Variants in ADCY9 observed in about 807,000 individuals in gnomAD.
ADCY9 encodes the protein adenylate cyclase 9.
ADCY9 carries 50 observed loss-of-function variants against 101.5 expected under a neutral mutation model. The observed-to-expected ratio is 0.49, with a 90% confidence interval of 0.39 to 0.62. The LOEUF is 0.62. Ranked by LOEUF, ADCY9 falls within the 20% of genes least tolerant of loss-of-function variation. The pLI is 0.00. For missense variants in ADCY9, 1,662 were observed against 1,800.4 expected (o/e 0.92, Z 1.39); for synonymous variants, 905 against 769.3 (o/e 1.18, Z -2.92).
intron 2 of ADCY9, among the ~76,000 whole-genome samples, chr16:4,056,503 C>G (rs999023014): frequency 2.0e-5 from 3 of 152,224 alleles, no homozygotes; most frequent in African/African-American, 7.2e-5. Flanking sequence ...ATCCACCCAC[C>G]TCGGCCTCCC....
intron 3 of ADCY9, 36 bp from the exon 4 acceptor site, chr16:3,993,546 G>C (rs1039617937): frequency 6.2e-7 from 1 of 1,605,976 alleles, no homozygotes; most frequent in African/African-American, 1.3e-5. Flanking sequence ...GACACACCCA[G>C]AAACCGCGAC....
chr16:3,989,754 G>A (rs1377489144), intron 5 of ADCY9, among the ~76,000 whole-genome samples: 1 of 152,196 alleles, frequency 6.6e-6, no homozygotes, highest in Non-Finnish European at 1.5e-5. Flanking sequence ...ACAATCTTTT[G>A]TGAAGAACAC....
In ADCY9 at chr16:3,974,123, G is replaced by A. The variant is rs1325929852; in HGVS notation, c.2870+546C>T. ...GTGGCACAATCTTGGCTCACTGCAA[G>A]CTCCGCCTCCCGGGTTCACGCCATT... On this transcript the variant is annotated intron_variant, in intron 10 of 10. Transcript: ENST00000294016. 6.6e-5 allele frequency among the ~76,000 whole-genome samples: 10 copies of A among 152,248 alleles called. 1 individual carries two copies. The South Asian group carries it at 2.1e-3, about 32-fold the overall frequency.
intron 2 of ADCY9, among the ~76,000 whole-genome samples, chr16:4,021,386 C>T (rs917864663): frequency 1.3e-5 from 2 of 152,226 alleles, no homozygotes; most frequent in Non-Finnish European, 2.9e-5. Context: ...AATTCATGAA[C>T]CAGGTAGAAT....
intron 8 of ADCY9, among the ~76,000 whole-genome samples, chr16:3,977,848 C>G (rs2056106153): frequency 6.6e-6 from 1 of 152,136 alleles, no homozygotes; most frequent in Non-Finnish European, 1.5e-5. Flanking sequence ...TCATGAGTAG[C>G]TGGGATGACA....
intron 2 of ADCY9, among the ~76,000 whole-genome samples, chr16:4,081,801 T>G (rs1597213899): frequency 1.1e-5 from 1 of 89,050 alleles, no homozygotes; most frequent in Non-Finnish European, 2.3e-5. Flanking sequence ...GGCGTGTGGG[T>G]AAGAGCAAGA....
intron 2 of ADCY9, among the ~76,000 whole-genome samples, chr16:4,073,593 G>A (rs1044411114): frequency 1.3e-5 from 2 of 152,044 alleles, no homozygotes; most frequent in Non-Finnish European, 2.9e-5. Flanking sequence ...ACAGGGTTTT[G>A]CCATGTTGGC....
At chr16:4,098,383 G>A (rs1489045433) in intron 2 of ADCY9, among the ~76,000 whole-genome samples, 3 of 151,834 alleles carry the variant, frequency 2.0e-5, no homozygotes, top group South Asian at 2.1e-4. Context: ...ACAGGTGCAC[G>A]CCACCAAGCC....
Position 3,992,111 on chromosome 16 carries a change from A to G in ADCY9, c.2207+35T>C. On this transcript the variant is annotated intron_variant, in intron 5 of 10. Coordinates refer to ENST00000294016, the MANE Select transcript of ADCY9 (RefSeq NM_001116.4). The surrounding 1 kb of genome is among the most constrained non-coding windows in gnomAD (Gnocchi z 4.2). Reference sequence around the variant, plus strand: ...AAAAGGCAGAGAGGCTTCTGCCTGCAACCTTTGCTTTTTCCCAGACAGCCC... The same window carrying G: ...AAAAGGCAGAGAGGCTTCTGCCTGCGACCTTTGCTTTTTCCCAGACAGCCC... 1 of 1,602,092 alleles carries G rather than the reference A, an allele frequency of 6.2e-7. No individual in the cohort carries two copies. The highest frequency in any genetic ancestry group is 8.5e-7 in the Non-Finnish European group (1 of 1,170,268).
chr16:4,063,381 A>G (rs2141162368), intron 2 of ADCY9, among the ~76,000 whole-genome samples: 1 of 152,126 alleles, frequency 6.6e-6, no homozygotes, highest in African/African-American at 2.4e-5. Flanking sequence ...AAAAGCCTGT[A>G]TCAGGAAAAA....
chr16:3,959,279 T>A (rs1198068697), downstream of ADCY9, among the ~76,000 whole-genome samples: 1 of 151,302 alleles, frequency 6.6e-6, no homozygotes, highest in Non-Finnish European at 1.5e-5. Context: ...GAGGATGGCT[T>A]GAGGCCAGGG....
intron 2 of ADCY9, among the ~76,000 whole-genome samples, chr16:4,072,756 C>G (rs2056842491): frequency 6.6e-6 from 1 of 151,882 alleles, no homozygotes; most frequent in African/African-American, 2.4e-5. Context: ...AAGAGAAATA[C>G]CAAAACAACA....
intron 2 of ADCY9, among the ~76,000 whole-genome samples, chr16:4,010,872 T>A (rs545624217): frequency 1.1e-3 from 172 of 152,248 alleles, no homozygotes; most frequent in African/African-American, 3.4e-3. Context: ...GGCGCCTGCA[T>A]AAAGGGGCTT....
chr16:4,005,179 G>A (rs1373113179), intron 3 of ADCY9, among the ~76,000 whole-genome samples: 4 of 152,150 alleles, frequency 2.6e-5, no homozygotes, highest in Non-Finnish European at 5.9e-5. Flanking sequence ...AACCCTTTCT[G>A]TGTTGAATAT....
chr16:3,986,067 G>A (rs919390650), intron 6 of ADCY9, among the ~76,000 whole-genome samples: 3 of 152,250 alleles, frequency 2.0e-5, no homozygotes, highest in Admixed American at 6.5e-5. Flanking sequence ...CAGGGCCTCC[G>A]GGTGCGGCCG....
At chr16:4,071,149 G>A (rs934568399) in intron 2 of ADCY9, among the ~76,000 whole-genome samples, 2 of 146,654 alleles carry the variant, frequency 1.4e-5, no homozygotes. Flanking sequence ...GGCCAATATG[G>A]TAATATCCCA....
At chr16:4,090,598 G>T (rs1187794204) in intron 2 of ADCY9, among the ~76,000 whole-genome samples, 1 of 152,008 alleles carries the variant, frequency 6.6e-6, no homozygotes, top group Non-Finnish European at 1.5e-5. Context: ...GGCACGAGAC[G>T]CTCAGGGCTC....
intron 2 of ADCY9, among the ~76,000 whole-genome samples, chr16:4,012,178 C>T (rs77103898): frequency 1.3e-3 from 201 of 152,276 alleles, no homozygotes; most frequent in Non-Finnish European, 1.8e-3. Context: ...CCTCCGTGTC[C>T]ACAACGAGCA....
chr16:4,106,309 C>G (rs1400603779), intron 2 of ADCY9, among the ~76,000 whole-genome samples: 2 of 152,184 alleles, frequency 1.3e-5, no homozygotes, highest in African/African-American at 4.8e-5. Context: ...TGTCTGCAGT[C>G]TTCCCAGGGG....
Sources: allele counts gnomAD v4.1 joint callset (sites outside exome capture counted in the v4.1 genomes callset), GRCh38; gene constraint gnomAD v4.1.1; non-coding constraint Gnocchi (gnomAD v3.1); transcripts MANE v1.5; gene names NCBI Gene and HGNC (gene_info 2026-07-23, HGNC 2026-07-21).